The following CASK variants were observed in gnomAD, a reference collection of about 807,000 sequenced individuals.
CASK encodes peripheral plasma membrane protein CASK.
In CASK, 4 loss-of-function variants were observed where a neutral mutation model predicts 82.9. The ratio of observed to expected loss-of-function variants is 0.05; its 90% CI spans 0.02 to 0.11. The LOEUF is 0.11. CASK is among the 10% of genes least tolerant of loss of function. The probability of loss-of-function intolerance (pLI) is 1.00; values close to 1 mark genes in which losing one functional copy is unlikely to be tolerated. For missense variants in CASK, 358 were observed against 720.9 expected (o/e 0.50, Z 5.76); for synonymous variants, 259 against 253.5 (o/e 1.02, Z -0.20).
intron 2 of CASK, among the ~76,000 whole-genome samples, chrX:41,810,831 G>T (rs199568038): frequency 5.4e-5 from 6 of 111,609 alleles, no homozygotes; most frequent in Non-Finnish European, 7.5e-5. Flanking sequence ...CTGTATTCAG[G>T]AGACACATCT....
chrX:41,550,889 C>T (rs908046528), intron 21 of CASK, among the ~76,000 whole-genome samples: 28 of 111,545 alleles, frequency 2.5e-4, no homozygotes, highest in African/African-American at 7.8e-4. Flanking sequence ...CCAGCCTGGG[C>T]GAGAGCACAA....
chrX:41,896,082 A>T (rs904042960), intron 1 of CASK, among the ~76,000 whole-genome samples: 1 of 111,674 alleles, frequency 9.0e-6, no homozygotes. Flanking sequence ...ACTGAAAACA[A>T]GGGTTAAATA....
intron 3 of CASK, among the ~76,000 whole-genome samples, chrX:41,765,307 A>C (rs1382233554): frequency 8.9e-6 from 1 of 112,369 alleles, no homozygotes; most frequent in Non-Finnish European, 1.9e-5. Flanking sequence ...AATTTATATG[A>C]CAGAGATTAG....
At chrX:41,633,459 A>G (rs755076312) in intron 9 of CASK, among the ~76,000 whole-genome samples, 31 of 111,207 alleles carry the variant, frequency 2.8e-4, no homozygotes, top group African/African-American at 8.2e-4. Flanking sequence ...CACAGAGCAC[A>G]GATTTTCCAC....
chrX:41,922,799 G>T, intron 1 of CASK, 131 bp downstream of exon 1: 1 of 584,696 alleles, frequency 1.7e-6, no homozygotes, highest in Non-Finnish European at 2.9e-6. Flanking sequence ...AAATACTCCA[G>T]GATGAGAAGG....
rs201327474 is a variant in CASK at position 41,559,855 on chromosome X, G to A, written c.1669-8C>T. The A allele has an allele frequency of 2.5e-6, 3 of 1,198,801 alleles. No individual in the cohort carries two copies. Among genetic ancestry groups the A allele is most frequent in the African/African-American group, 3.5e-5 (2 of 57,642 alleles). On this transcript the variant is annotated splice_region_variant and splice_polypyrimidine_tract_variant and intron_variant, in intron 17 of 26. Coordinates refer to ENST00000378163, the MANE Select transcript of CASK (RefSeq NM_001367721.1). ...ACTCCCCCGCATTTCCCTCTGGAGGGGGGGTGGTGGGAAAGAAAGAAAAGT... is the reference window on the plus strand; with the variant it reads ...ACTCCCCCGCATTTCCCTCTGGAGGAGGGGTGGTGGGAAAGAAAGAAAAGT...
chrX:41,647,204 C>T (rs1302803302), intron 8 of CASK, among the ~76,000 whole-genome samples: 2 of 112,360 alleles, frequency 1.8e-5, no homozygotes, highest in South Asian at 3.6e-4. Context: ...TAGTGAGTCT[C>T]GAACATCGCA....
chrX:41,848,048 G>A (rs1056730651), intron 2 of CASK, among the ~76,000 whole-genome samples: 1 of 112,283 alleles, frequency 8.9e-6, no homozygotes, highest in African/African-American at 3.2e-5. Context: ...GCCTCTATGG[G>A]CATCTCATTA....
intron 10 of CASK, 21 bp from the exon 11 acceptor site, chrX:41,622,655 G>A: frequency 8.5e-7 from 1 of 1,179,980 alleles, no homozygotes; most frequent in Non-Finnish European, 1.1e-6. Flanking sequence ...GGCAGCATAT[G>A]GACAAACAAC....
intron 4 of CASK, among the ~76,000 whole-genome samples, chrX:41,740,051 G>A: frequency 8.9e-6 from 1 of 112,030 alleles, no homozygotes; most frequent in Non-Finnish European, 1.9e-5. Flanking sequence ...CTCCTTACAT[G>A]GCCAGCTGAG....
chrX:41,814,287 T>G (rs2070367777), intron 2 of CASK, among the ~76,000 whole-genome samples: 1 of 111,712 alleles, frequency 9.0e-6, no homozygotes, highest in Non-Finnish European at 1.9e-5. Context: ...TAAAGACACA[T>G]GCACAAGTAT....
chrX:41,717,302 T>C (rs2068079027), intron 5 of CASK, among the ~76,000 whole-genome samples: 1 of 112,348 alleles, frequency 8.9e-6, no homozygotes, highest in Non-Finnish European at 1.9e-5. Context: ...GAAAACTTTT[T>C]GCGGGAGTGC....
chrX:41,804,064 T>C lies in CASK; in HGVS notation c.173-16781A>G, dbSNP rs952548915. On this transcript the variant is annotated intron_variant, in intron 2 of 26. Transcript: ENST00000378163. ...ACTAAAAAGCATATATTTATGATAA[T>C]TGGCCAGGCGCGGTGACTCATGCCC... Among the ~76,000 whole-genome samples, 3 of 111,768 alleles carry C rather than the reference T, an allele frequency of 2.7e-5. No individual in the cohort carries two copies. In the Admixed American group the frequency reaches 2.9e-4, roughly 11 times the overall value.
At chrX:41,592,521 T>C (rs2065761249) in intron 12 of CASK, among the ~76,000 whole-genome samples, 1 of 111,377 alleles carries the variant, frequency 9.0e-6, no homozygotes, top group Admixed American at 9.6e-5. Context: ...TACAGTTCCT[T>C]AGGTCTTATA....
At chrX:41,641,732 A>AT (rs1243889984) in intron 8 of CASK, among the ~76,000 whole-genome samples, 2 of 110,117 alleles carry the variant, frequency 1.8e-5, no homozygotes, top group African/African-American at 6.7e-5. Context: ...ACTTTTATTT[A>AT]TTTTTTTCAT....
At position 41,685,275 on chromosome X, in the gene CASK, T is replaced by C. The variant is rs1047966615; in HGVS notation, c.430-13745A>G. Reference sequence around the variant, plus strand: ...AAAGTACAAACTGTAAAACAGATACTATTCAGAGAGGTCTAGCTTTTGCAC... The same window carrying C: ...AAAGTACAAACTGTAAAACAGATACCATTCAGAGAGGTCTAGCTTTTGCAC... On this transcript the variant is annotated intron_variant, in intron 5 of 26. Coordinates refer to ENST00000378163, the MANE Select transcript of CASK (RefSeq NM_001367721.1). 7.2e-5 allele frequency among the ~76,000 whole-genome samples: 8 copies of C among 111,789 alleles called. No homozygotes were observed. In the Admixed American group the frequency reaches 7.6e-4, roughly 11 times the overall value.
intron 21 of CASK, among the ~76,000 whole-genome samples, chrX:41,543,748 G>T (rs1156615513): frequency 1.8e-5 from 2 of 111,531 alleles, no homozygotes; most frequent in Non-Finnish European, 3.8e-5. Flanking sequence ...CCAAAATCAC[G>T]ATCAGAATGC....
chrX:41,784,393 C>A (rs1388606056), intron 3 of CASK, among the ~76,000 whole-genome samples: 3 of 112,213 alleles, frequency 2.7e-5, no homozygotes, highest in Non-Finnish European at 5.6e-5. Context: ...AGATGAGTGT[C>A]ACAGGGATGT....
At chrX:41,576,996 T>C (rs192807717) in intron 15 of CASK, among the ~76,000 whole-genome samples, 1 of 112,601 alleles carries the variant, frequency 8.9e-6, no homozygotes, top group East Asian at 2.8e-4. Context: ...CTATAACTTT[T>C]CCCTTAATCT....
Sources: allele counts gnomAD v4.1 joint callset (sites outside exome capture counted in the v4.1 genomes callset), GRCh38; gene constraint gnomAD v4.1.1; transcripts MANE v1.5; gene names NCBI Gene and HGNC (gene_info 2026-07-23, HGNC 2026-07-21).